Variants in CEP128 observed in about 807,000 individuals in gnomAD.
CEP128 encodes centrosomal protein 128, also known as centrosomal protein 128kDa.
In CEP128, 132 loss-of-function variants were observed where a neutral mutation model predicts 156.7. The ratio of observed to expected loss-of-function variants is 0.84; its 90% CI spans 0.73 to 0.97. The LOEUF (loss-of-function observed/expected upper bound fraction) is 0.97, where lower values mean the gene tolerates loss of function less well. Among genes scored for constraint, CEP128 ranks in the 50% least tolerant of loss-of-function variants. CEP128 has a pLI of 0.00. For synonymous variants in CEP128, 469 were observed against 448.9 expected (o/e 1.04, Z -0.57); for missense variants, 1,252 against 1,281.9 (o/e 0.98, Z 0.36).
chr14:80,628,648 G>A (rs939644007), intron 19 of CEP128, among the ~76,000 whole-genome samples: 2 of 152,080 alleles, frequency 1.3e-5, no homozygotes, highest in African/African-American at 4.8e-5. Flanking sequence ...GTCTATTTTA[G>A]CTTTGGACAA....
intron 13 of CEP128, 200 bp downstream of exon 13, chr14:80,830,943 C>A: frequency 2.0e-6 from 1 of 501,122 alleles, no homozygotes. Context: ...AGGTTCCTGG[C>A]TTTGGGGTCC....
At chr14:80,656,736 T>C (rs1895188949) in intron 19 of CEP128, among the ~76,000 whole-genome samples, 1 of 152,060 alleles carries the variant, frequency 6.6e-6, no homozygotes, top group Non-Finnish European at 1.5e-5. Context: ...CAGAACAGAA[T>C]CAATATTTTT....
At chr14:80,820,216 G>A (rs1885089634) in intron 13 of CEP128, among the ~76,000 whole-genome samples, 1 of 152,152 alleles carries the variant, frequency 6.6e-6, no homozygotes, top group African/African-American at 2.4e-5. Flanking sequence ...TATCTGAAGA[G>A]TCTATATGCC....
At chr14:80,751,371 T>G (rs1421968282) in intron 18 of CEP128, among the ~76,000 whole-genome samples, 7 of 152,170 alleles carry the variant, frequency 4.6e-5, no homozygotes, top group Non-Finnish European at 1.0e-4. Flanking sequence ...AATAATCAAT[T>G]ATGAGAATTT....
At chr14:80,713,615 G>A (rs1245230968) in intron 19 of CEP128, among the ~76,000 whole-genome samples, 3 of 152,048 alleles carry the variant, frequency 2.0e-5, no homozygotes, top group African/African-American at 7.2e-5. Flanking sequence ...CTACACTAGT[G>A]GACTGTAGCA....
intron 2 of CEP128, among the ~76,000 whole-genome samples, chr14:80,928,685 TGAGA>T (rs761464934): frequency 2.0e-5 from 3 of 152,122 alleles, no homozygotes; most frequent in Non-Finnish European, 4.4e-5. Flanking sequence ...CAGGCGTTCC[TGAGA>T]AAGAAGGTAG....
At chr14:80,513,848 G>C (rs772071692) in intron 23 of CEP128, among the ~76,000 whole-genome samples, 1 of 152,118 alleles carries the variant, frequency 6.6e-6, no homozygotes, top group Non-Finnish European at 1.5e-5. Context: ...GCCCTGCAAA[G>C]CCATCCTTTG....
intron 23 of CEP128, 64 bp from the exon 24 acceptor site, chr14:80,505,084 C>A (rs1033207511): frequency 1.6e-6 from 1 of 634,292 alleles, no homozygotes; most frequent in Admixed American, 3.0e-5. Flanking sequence ...CTCATTTAAA[C>A]GTACTGAAGC....
intron 19 of CEP128, among the ~76,000 whole-genome samples, chr14:80,643,686 G>A (rs1894516011): frequency 6.8e-6 from 1 of 147,774 alleles, no homozygotes; most frequent in Admixed American, 6.7e-5. Flanking sequence ...CTCTAACCTG[G>A]GCATCAGAGC....
At chr14:80,613,714 T>G (rs1258042263) in intron 19 of CEP128, among the ~76,000 whole-genome samples, 1 of 152,142 alleles carries the variant, frequency 6.6e-6, no homozygotes. Flanking sequence ...CATATGCTGT[T>G]TATATTTCTA....
intron 19 of CEP128, among the ~76,000 whole-genome samples, chr14:80,611,943 A>C (rs1893009598): frequency 6.6e-6 from 1 of 152,098 alleles, no homozygotes; most frequent in African/African-American, 2.4e-5. Flanking sequence ...CTGTAATCCC[A>C]CCTACTCAGA....
chr14:80,572,009 T>C (rs1033340354), intron 20 of CEP128, among the ~76,000 whole-genome samples: 24 of 152,254 alleles, frequency 1.6e-4, no homozygotes, highest in African/African-American at 5.8e-4. Context: ...TTAGCAGTTT[T>C]ACCACAGTGT....
At chr14:80,614,008 A>G (rs1032911341) in intron 19 of CEP128, among the ~76,000 whole-genome samples, 1 of 152,236 alleles carries the variant, frequency 6.6e-6, no homozygotes, top group Non-Finnish European at 1.5e-5. Context: ...TTTATGCATA[A>G]TTTTGCAGAA....
Position 80,627,875 on chromosome 14 carries a change from C to T in CEP128, c.2807-47452G>A, listed in dbSNP as rs558385650. 9.2e-5 allele frequency among the ~76,000 whole-genome samples: 14 copies of T among 151,688 alleles called. No individual in the cohort carries two copies. In the East Asian group the frequency reaches 2.7e-3, roughly 29 times the overall value. ...GAGCTAGAGCAATAACCTCATTGGG[C>T]TATAAAATGAAAGTCCCATACCAGA... On this transcript the variant is annotated intron_variant, in intron 19 of 24. Coordinates refer to ENST00000555265, the MANE Select transcript of CEP128 (RefSeq NM_152446.5).
chr14:80,806,083 T>A (rs1884159938), intron 13 of CEP128, among the ~76,000 whole-genome samples: 2 of 152,206 alleles, frequency 1.3e-5, no homozygotes, highest in Admixed American at 6.5e-5. Context: ...GTCTTCTCTA[T>A]CATTCTAATT....
chr14:80,588,865 G>A (rs1255713846), intron 19 of CEP128, among the ~76,000 whole-genome samples: 1 of 152,036 alleles, frequency 6.6e-6, no homozygotes, highest in Non-Finnish European at 1.5e-5. Flanking sequence ...ACCTCCAGGT[G>A]GGCAAATGGC....
intron 19 of CEP128, among the ~76,000 whole-genome samples, chr14:80,711,272 A>G (rs186744128): frequency 1.3e-5 from 2 of 151,088 alleles, no homozygotes; most frequent in Non-Finnish European, 3.0e-5. Flanking sequence ...AATATGGTCT[A>G]AAGACTGACA....
chr14:80,915,229 C>A (rs1169435609), intron 3 of CEP128, among the ~76,000 whole-genome samples: 28 of 151,938 alleles, frequency 1.8e-4, no homozygotes, highest in Admixed American at 1.8e-3. Context: ...AAGTATGTTG[C>A]CTGGGCTGGT....
At chr14:80,689,807 A>C (rs1441170547) in intron 19 of CEP128, among the ~76,000 whole-genome samples, 1 of 152,130 alleles carries the variant, frequency 6.6e-6, no homozygotes, top group African/African-American at 2.4e-5. Context: ...ATTTCAAAAT[A>C]AAATGTATTA....
Sources: gnomAD v4.1 joint callset for allele counts (sites outside exome capture counted in the v4.1 genomes callset) on GRCh38, gnomAD v4.1.1 for gene constraint, MANE v1.5 for transcripts, NCBI Gene and HGNC (gene_info 2026-07-23, HGNC 2026-07-21) for gene names.